AOPEP: variants seen among roughly 807,000 people sequenced by gnomAD.
AOPEP encodes aminopeptidase O (putative), also known as aminopeptidase O.
A neutral mutation model predicts 98.1 loss-of-function variants in AOPEP; 77 were observed. The observed-to-expected ratio is 0.78, with a 90% CI of 0.65 to 0.95. The LOEUF (loss-of-function observed/expected upper bound fraction) is 0.95, where lower values mean the gene tolerates loss of function less well. AOPEP is among the 40% of genes least tolerant of loss of function. AOPEP has a pLI of 0.00. For synonymous variants in AOPEP, 346 were observed against 365.3 expected, an observed-to-expected ratio of 0.95 and a Z score of 0.60; for missense variants, 1,024 against 1,024.7, an observed-to-expected ratio of 1.00 and a Z score of 0.01.
intron 1 of AOPEP, among the ~76,000 whole-genome samples, chr9:94,741,175 A>C (rs1285030131): frequency 1.3e-5 from 2 of 152,074 alleles, no homozygotes; most frequent in Non-Finnish European, 2.9e-5. Flanking sequence ...GGTTGGTGAG[A>C]GTTGTGAATG....
At chr9:94,925,323 CT>C (rs1362697293) in intron 6 of AOPEP, among the ~76,000 whole-genome samples, 3 of 152,226 alleles carry the variant, frequency 2.0e-5, no homozygotes, top group Non-Finnish European at 4.4e-5. Context: ...TTTTTTCCCC[CT>C]GTCATCTCTG....
At chr9:94,817,121 C>T (rs1221002804) in intron 5 of AOPEP, among the ~76,000 whole-genome samples, 3 of 152,180 alleles carry the variant, frequency 2.0e-5, no homozygotes, top group Non-Finnish European at 4.4e-5. Context: ...CTACCCCAGC[C>T]CCCTGAGTAA....
rs137876223 is a variant in AOPEP at position 95,081,873 on chromosome 9, C to T, written c.2320-702C>T. On this transcript the variant is annotated intron_variant, in intron 15 of 16. Coordinates refer to ENST00000375315, the MANE Select transcript of AOPEP (RefSeq NM_001193329.3). ...TAGTTTACTCCAGCGGAATGTAACT[C>T]GTGGCATAACTAAGCATGGCACAAG... Among the ~76,000 whole-genome samples, 514 of 152,208 alleles carry T rather than the reference C, an allele frequency of 3.4e-3. 3 individuals carry two copies. The highest frequency in any genetic ancestry group is 0.012 in the African/African-American group (480 of 41,530).
the AOPEP span, chr9:95,107,627 A>G: frequency 2.5e-6 from 1 of 404,416 alleles, no homozygotes; most frequent in Non-Finnish European, 4.6e-6. Flanking sequence ...CACAGCCACA[A>G]ATCAATTAAA....
rs1343614913 is a variant in AOPEP, at chr9:94,733,697, G to A, written c.-136+6946G>A. ...TTTCAATATGACCTACAAATTAAGT[G>A]TCAGTTGCCTGTTTAAATTTAAAAG... On this transcript the variant is annotated intron_variant, in intron 1 of 16. Coordinates refer to ENST00000375315, the MANE Select transcript of AOPEP (RefSeq NM_001193329.3). 5.3e-5 allele frequency among the ~76,000 whole-genome samples: 8 copies of A among 152,284 alleles called. No homozygotes were observed. In the East Asian group the frequency reaches 1.5e-3, roughly 29 times the overall value.
At chr9:94,850,745 C>T (rs200947564) in intron 5 of AOPEP, among the ~76,000 whole-genome samples, 3 of 152,204 alleles carry the variant, frequency 2.0e-5, no homozygotes, top group East Asian at 1.9e-4. Flanking sequence ...TTTACCCCTC[C>T]CTATGTGTCT....
At chr9:94,934,611 G>T (rs563023688) in intron 7 of AOPEP, 1 of 152,308 alleles carries the variant, frequency 6.6e-6, no homozygotes, top group South Asian at 2.1e-4. Context: ...GCTCTCACCA[G>T]TACAGGAAAA....
intron 5 of AOPEP, among the ~76,000 whole-genome samples, chr9:94,832,860 G>C (rs7047928): frequency 1.3e-5 from 2 of 148,270 alleles, no homozygotes; most frequent in Admixed American, 1.3e-4. Context: ...GTAGAAGAAA[G>C]CGGGGGAAAA....
intron 5 of AOPEP, among the ~76,000 whole-genome samples, chr9:94,842,998 T>C (rs896255745): frequency 6.6e-6 from 1 of 152,190 alleles, no homozygotes; most frequent in Non-Finnish European, 1.5e-5. Context: ...TTGTTTAAGC[T>C]TTGCTCATCT....
At chr9:95,049,039 A>G (rs1317674735) in intron 13 of AOPEP, 1 of 152,290 alleles carries the variant, frequency 6.6e-6, no homozygotes, top group Non-Finnish European at 1.5e-5. Flanking sequence ...GCTGGGCTCC[A>G]CAGAGAGGAG....
the AOPEP span, among the ~76,000 whole-genome samples, chr9:95,136,730 T>G: frequency 1.3e-5 from 2 of 152,224 alleles, no homozygotes; most frequent in Non-Finnish European, 2.9e-5. Context: ...ACAATCTTCC[T>G]GCCTTGGCCT....
chr9:94,766,210 A>AT (rs1839562985), intron 2 of AOPEP, among the ~76,000 whole-genome samples: 1 of 152,148 alleles, frequency 6.6e-6, no homozygotes, highest in Non-Finnish European at 1.5e-5. Context: ...TATTTTTAAC[A>AT]TTTTTTCTAT....
chr9:95,107,278 T>C, the AOPEP span: 4 of 1,612,908 alleles, frequency 2.5e-6, no homozygotes, highest in Non-Finnish European at 2.5e-6. Context: ...ACCTGGGCAA[T>C]AGTATTTCAC....
rs184228745 is a variant in AOPEP, at chr9:94,913,347, C to T, written c.1365-10639C>T. Among the ~76,000 whole-genome samples the T allele has an allele frequency of 1.3e-3, 198 of 152,184 alleles. 1 individual carries two copies. Among genetic ancestry groups the T allele is most frequent in the Non-Finnish European group, 2.2e-3 (151 of 67,992 alleles). On this transcript the variant is annotated intron_variant, in intron 5 of 16. Coordinates refer to ENST00000375315, the MANE Select transcript of AOPEP (RefSeq NM_001193329.3). ...TTTTTGTTTCTGGTGAGGTTTATTACCTTTCAGAGGGACATGCTGTTAAGT... is the reference window on the plus strand; with the variant it reads ...TTTTTGTTTCTGGTGAGGTTTATTATCTTTCAGAGGGACATGCTGTTAAGT...
intron 1 of AOPEP, among the ~76,000 whole-genome samples, chr9:94,747,041 G>GTT (rs59283562): frequency 1.4e-5 from 2 of 143,522 alleles, no homozygotes; most frequent in Non-Finnish European, 3.1e-5. Context: ...ACTCCAGTGG[G>GTT]TTTTTTTTTT....
At chr9:94,777,474 A>G (rs543493990) in intron 3 of AOPEP, among the ~76,000 whole-genome samples, 30 of 151,996 alleles carry the variant, frequency 2.0e-4, no homozygotes, top group Non-Finnish European at 4.0e-4. Flanking sequence ...AACATAATGT[A>G]AATCTCTACT....
intron 5 of AOPEP, among the ~76,000 whole-genome samples, chr9:94,923,618 T>C (rs2053909686): frequency 6.6e-6 from 1 of 152,248 alleles, no homozygotes. Flanking sequence ...ATCACTCTCC[T>C]GACAGCTTAG....
chr9:94,946,512 C>CA (rs1403247680), intron 7 of AOPEP, among the ~76,000 whole-genome samples: 2 of 152,118 alleles, frequency 1.3e-5, no homozygotes, highest in African/African-American at 2.4e-5. Flanking sequence ...ATTGCACTAA[C>CA]AAACAGCAGA....
intron 13 of AOPEP, among the ~76,000 whole-genome samples, chr9:95,026,108 G>A (rs928106587): frequency 2.6e-5 from 4 of 152,192 alleles, no homozygotes; most frequent in African/African-American, 9.7e-5. Context: ...CCACTCTGAA[G>A]TCAAGAAAGT....
Sources: allele counts gnomAD v4.1 joint callset (sites outside exome capture counted in the v4.1 genomes callset), GRCh38; gene constraint gnomAD v4.1.1; transcripts MANE v1.5; gene names NCBI Gene and HGNC (gene_info 2026-07-23, HGNC 2026-07-21).